The following BRINP2 variants were observed in gnomAD, a reference collection of about 807,000 sequenced individuals.
The protein encoded by BRINP2 is BMP/retinoic acid-inducible neural-specific protein 2.
BRINP2 carries 21 observed loss-of-function variants against 69.2 expected under a neutral mutation model. The ratio of observed to expected loss-of-function variants is 0.30; its 90% CI spans 0.22 to 0.44. BRINP2 has a LOEUF of 0.44. Ranked by LOEUF, BRINP2 falls within the 20% of genes least tolerant of loss-of-function variation. The pLI is 1.00. For synonymous variants in BRINP2, 380 were observed against 394.1 expected (o/e 0.96, Z 0.42); for missense variants, 877 against 986.0 (o/e 0.89, Z 1.48).
At chr1:177,236,502 T>C (rs375206133) in intron 2 of BRINP2, among the ~76,000 whole-genome samples, 2 of 152,194 alleles carry the variant, frequency 1.3e-5, no homozygotes, top group East Asian at 1.9e-4. Context: ...ACACCCATTT[T>C]TGAGGGCCAG....
In BRINP2 at chr1:177,215,046, A is replaced by AT. The variant is rs534856075; in HGVS notation, c.-76-14754dup. On this transcript the variant is annotated intron_variant, in intron 1 of 7. Coordinates refer to ENST00000361539, the MANE Select transcript of BRINP2 (RefSeq NM_021165.4). ...ATCTGAGGCTTTGTACACTTGGACT[A>AT]TCATCTCCCCAGTCTCCCCAGTCTT... 4.0e-3 allele frequency among the ~76,000 whole-genome samples: 615 copies of AT among 152,326 alleles called. 7 individuals carry two copies. Among genetic ancestry groups the AT allele is most frequent in the African/African-American group, 0.014 (592 of 41,584 alleles).
intron 4 of BRINP2, among the ~76,000 whole-genome samples, chr1:177,261,484 T>G (rs1650954047): frequency 6.6e-6 from 1 of 152,210 alleles, no homozygotes; most frequent in African/African-American, 2.4e-5. Context: ...GAACAGTGAT[T>G]CCATTTACTG....
In BRINP2 at chr1:177,258,558, GTTTTGT is replaced by G. The variant is rs540278407; in HGVS notation, c.669+1197_669+1202del. ...TTCATTGCATTTTGCAGATACTGTG[GTTTTGT>G]TTTTGTTTTTGTTTTTGTTTTTACA... is the stretch of plus-strand genomic sequence containing the variant. On this transcript the variant is annotated intron_variant, in intron 4 of 7. Coordinates refer to ENST00000361539, the MANE Select transcript of BRINP2 (RefSeq NM_021165.4). Among the ~76,000 whole-genome samples, 1,150 of 152,250 alleles carry G rather than the reference GTTTTGT, an allele frequency of 7.6e-3. 12 individuals carry two copies. Among genetic ancestry groups the G allele is most frequent in the Non-Finnish European group, 7.3e-3 (497 of 68,012 alleles).
intron 1 of BRINP2, among the ~76,000 whole-genome samples, chr1:177,173,935 G>A (rs181951085): frequency 3.3e-5 from 5 of 152,290 alleles, no homozygotes; most frequent in African/African-American, 4.8e-5. Context: ...TCCCCACTGC[G>A]CAGTGTATTT....
Position 177,278,587 on chromosome 1 carries a change from G to T in BRINP2, c.1037G>T (p.Arg346Met). The T allele has an allele frequency of 6.2e-7, 1 of 1,614,176 alleles. No individual in the cohort carries two copies. Among genetic ancestry groups the T allele is most frequent in the Non-Finnish European group, 8.5e-7 (1 of 1,180,046 alleles). Residue 346 changes from arginine to methionine, a missense_variant, in exon 7 of 8, where the codon AGG becomes ATG. Physicochemically the swap from Arg to Met is moderately conservative, Grantham distance 91 (BLOSUM62 -1). Transcript: ENST00000361539. ...ESEEFQALLKRLPDDRFLNST... is the reference protein window; with the variant it reads ...ESEEFQALLKMLPDDRFLNST... ...GAAGAGTTCCAGGCCCTGCTGAAAA[G>T]GCTGCCCGATGACCGGTTCCTGAAC...
At chr1:177,172,115 T>C (rs1175868154) in intron 1 of BRINP2, among the ~76,000 whole-genome samples, 1 of 152,220 alleles carries the variant, frequency 6.6e-6, no homozygotes, top group Non-Finnish European at 1.5e-5. Flanking sequence ...CAGCTGACGC[T>C]GGGAGGTTCA....
At chr1:177,179,580 CTT>C (rs934893556) in intron 1 of BRINP2, among the ~76,000 whole-genome samples, 1 of 151,832 alleles carries the variant, frequency 6.6e-6, no homozygotes, top group African/African-American at 2.4e-5. Flanking sequence ...CACACACACT[CTT>C]TCTCTCACAC....
intron 1 of BRINP2, among the ~76,000 whole-genome samples, chr1:177,221,557 T>C (rs952510394): frequency 1.3e-5 from 2 of 152,214 alleles, no homozygotes; most frequent in African/African-American, 4.8e-5. Flanking sequence ...ATCAGAATGT[T>C]GCATCAAAAT....
chr1:177,237,558 G>C (rs960423221), intron 2 of BRINP2, among the ~76,000 whole-genome samples: 1 of 152,170 alleles, frequency 6.6e-6, no homozygotes, highest in Non-Finnish European at 1.5e-5. Flanking sequence ...CCTGGCTTGA[G>C]ATAAGATTGC....
At chr1:177,205,976 T>A (rs1179476395) in intron 1 of BRINP2, among the ~76,000 whole-genome samples, 1 of 152,366 alleles carries the variant, frequency 6.6e-6, no homozygotes, top group Non-Finnish European at 1.5e-5. Context: ...TTTTCAAGGC[T>A]AGGTCATGAA....
intron 2 of BRINP2, among the ~76,000 whole-genome samples, chr1:177,255,631 A>G (rs1558179070): frequency 6.6e-6 from 1 of 152,370 alleles, no homozygotes; most frequent in East Asian, 1.9e-4. Flanking sequence ...ACTGTAAACC[A>G]TGACTTCATG....
At chr1:177,266,784 A>G (rs1651141612) in intron 4 of BRINP2, among the ~76,000 whole-genome samples, 1 of 151,156 alleles carries the variant, frequency 6.6e-6, no homozygotes, top group Non-Finnish European at 1.5e-5. Flanking sequence ...AAAAAAAGAA[A>G]GAAAAAAAAA....
chr1:177,265,785 A>C (rs1333135507), intron 4 of BRINP2, among the ~76,000 whole-genome samples: 1 of 152,264 alleles, frequency 6.6e-6, no homozygotes, highest in East Asian at 1.9e-4. Flanking sequence ...ATTGTTGCAC[A>C]ATTAAAATAA....
intron 5 of BRINP2, 30 bp from the exon 6 acceptor site, chr1:177,276,168 C>A: frequency 6.3e-7 from 1 of 1,590,418 alleles, no homozygotes; most frequent in Non-Finnish European, 8.6e-7. Flanking sequence ...TGGTTCTTCC[C>A]AGAGATTCCT....
At chr1:177,225,539 C>T (rs1649668420) in intron 1 of BRINP2, among the ~76,000 whole-genome samples, 1 of 152,140 alleles carries the variant, frequency 6.6e-6, no homozygotes, top group African/African-American at 2.4e-5. Context: ...AAGGTACTAA[C>T]TATTTTATTT....
chr1:177,209,108 T>A lies in BRINP2; in HGVS notation c.-76-20693T>A, dbSNP rs145130489. Among the ~76,000 whole-genome samples the A allele has an allele frequency of 4.9e-3, 745 of 152,104 alleles. 10 individuals carry two copies. Among genetic ancestry groups the A allele is most frequent in the African/African-American group, 0.017 (713 of 41,508 alleles). On this transcript the variant is annotated intron_variant, in intron 1 of 7. Transcript: ENST00000361539. ...CTCAACAACACAGGGTGCCATTCAC[T>A]TAGGCTACAGTGTGAATGGTGCCTC...
intron 1 of BRINP2, among the ~76,000 whole-genome samples, chr1:177,186,255 C>A (rs1245421699): frequency 6.6e-6 from 1 of 152,130 alleles, no homozygotes; most frequent in South Asian, 2.1e-4. Context: ...ATGGATGACA[C>A]AATTCCAATT....
chr1:177,252,538 A>G (rs1650615359), intron 2 of BRINP2, among the ~76,000 whole-genome samples: 1 of 152,218 alleles, frequency 6.6e-6, no homozygotes. Flanking sequence ...GGTAGTTAGC[A>G]TATACATCAC....
rs553596533 is a variant in BRINP2 at position 177,208,903 on chromosome 1, C to G, written c.-76-20898C>G. ...TGTGTTGATGGTACCCAGAAATGTA[C>G]GTGATCAGGCAAATGTACTTTTCTT... is the stretch of plus-strand genomic sequence containing the variant. On this transcript the variant is annotated intron_variant, in intron 1 of 7. Transcript: ENST00000361539. Among the ~76,000 whole-genome samples the G allele has an allele frequency of 4.6e-4, 70 of 152,286 alleles. 1 individual carries two copies. The highest frequency in any genetic ancestry group is 1.5e-3 in the African/African-American group (64 of 41,560).
Sources: gnomAD v4.1 joint callset for allele counts (sites outside exome capture counted in the v4.1 genomes callset) on GRCh38, gnomAD v4.1.1 for gene constraint, MANE v1.5 for transcripts, NCBI Gene and HGNC (gene_info 2026-07-23, HGNC 2026-07-21) for gene names.